The following TECRL variants were observed in gnomAD, a reference collection of about 807,000 sequenced individuals.
TECRL encodes trans-2,3-enoyl-CoA reductase like, also known as trans-2,3-enoyl-CoA reductase-like.
A neutral mutation model predicts 52.8 loss-of-function variants in TECRL; 63 were observed. That is an observed-to-expected ratio of 1.19 (90% CI 0.97 to 1.47). The LOEUF is 1.47. Among genes scored for constraint, TECRL ranks in the 40% most tolerant of loss-of-function variants. The probability of loss-of-function intolerance (pLI) is 0.00; values close to 1 mark genes in which losing one functional copy is unlikely to be tolerated. For synonymous variants in TECRL, 164 were observed against 141.9 expected, an observed-to-expected ratio of 1.16 and a Z score of -1.10; for missense variants, 482 against 429.6, an observed-to-expected ratio of 1.12 and a Z score of -1.08.
chr4:64,309,162 G>T (rs925111024), intron 6 of TECRL, among the ~76,000 whole-genome samples: 1 of 152,068 alleles, frequency 6.6e-6, no homozygotes, highest in Non-Finnish European at 1.5e-5. Context: ...TTACTGCAAT[G>T]ACAACAATAG....
rs913817827 is a variant in TECRL at position 64,343,891 on chromosome 4, C to T, written c.287-15335G>A. Among the ~76,000 whole-genome samples, 4 of 151,852 alleles carry T rather than the reference C, an allele frequency of 2.6e-5. No individual in the cohort carries two copies. In the South Asian group the frequency reaches 6.2e-4, roughly 24 times the overall value. On this transcript the variant is annotated intron_variant, in intron 2 of 11. Transcript: ENST00000381210. ...ACAAAATGTCATGGCTTGTGGAGAA[C>T]ATTTTAACCTGCTTTCATTTGTAAT...
chr4:64,345,907 CAAAAAA>C lies in TECRL; in HGVS notation c.287-17357_287-17352del, dbSNP rs777171822. Among the ~76,000 whole-genome samples, 12 of 23,348 alleles carry C rather than the reference CAAAAAA, an allele frequency of 5.1e-4. 1 individual carries two copies. Among genetic ancestry groups the C allele is most frequent in the East Asian group, 3.0e-3 (2 of 668 alleles). 15.3% of individuals were successfully genotyped at this position (23,348 alleles called of 152,430 possible). On this transcript the variant is annotated intron_variant, in intron 2 of 11. Transcript: ENST00000381210. ...CCAACACTGATGGGTGCCTCAACAG[CAAAAAA>C]AAAAAAAAAAAAAAAAAACATTTAT...
chr4:64,394,488 A>T (rs1385053403), intron 1 of TECRL, among the ~76,000 whole-genome samples: 1 of 152,198 alleles, frequency 6.6e-6, no homozygotes, highest in Non-Finnish European at 1.5e-5. Flanking sequence ...TAGTCCTAGA[A>T]TTTTATCTTT....
At position 64,278,121 on chromosome 4, in the gene TECRL, G is replaced by A. The variant is rs1178439853; in HGVS notation, c.*1951C>T. On this transcript the variant is annotated 3_prime_UTR_variant, in exon 12 of 12. Coordinates refer to ENST00000381210, the MANE Select transcript of TECRL (RefSeq NM_001010874.5). ...ACATATTTTGAAATATATTTCAGAA[G>A]ATGTATAAATATAATTTACATACAA... 6.6e-6 allele frequency: 1 copy of A among 150,652 alleles called. No individual in the cohort carries two copies. The highest frequency in any genetic ancestry group is 2.4e-5 in the African/African-American group (1 of 40,960). 9.3% of individuals were successfully genotyped at this position (150,652 alleles called of 1,614,324 possible).
rs1717998137 is a variant in TECRL, at chr4:64,322,796, A to T, written c.332-4T>A. ...TAGTCCTTCAAAAAAGGCCCGCCTA[A>T]AATAAAAATAACAAGAAAATTTTAT... On this transcript the variant is annotated splice_polypyrimidine_tract_variant and splice_region_variant and intron_variant, in intron 3 of 11. Transcript: ENST00000381210. 2 of 1,585,330 alleles carry T rather than the reference A, an allele frequency of 1.3e-6. No homozygotes were observed. Among genetic ancestry groups the T allele is most frequent in the African/African-American group, 2.7e-5 (2 of 73,580 alleles).
At chr4:64,375,102 A>G (rs1560539691) in intron 2 of TECRL, 70 bp downstream of exon 2, 6 of 759,302 alleles carry the variant, frequency 7.9e-6, no homozygotes, top group Non-Finnish European at 1.2e-5. Context: ...TATTGCACTT[A>G]TAGAAAAATT....
chr4:64,306,126 C>T (rs866149534), intron 6 of TECRL, among the ~76,000 whole-genome samples: 5 of 152,084 alleles, frequency 3.3e-5, no homozygotes, highest in South Asian at 2.1e-4. Context: ...GAGCTCTTGC[C>T]TCTCTTTATT....
chr4:64,368,705 G>C (rs954761853), intron 2 of TECRL, among the ~76,000 whole-genome samples: 2 of 151,960 alleles, frequency 1.3e-5, no homozygotes, highest in African/African-American at 4.8e-5. Context: ...TTTTTCATTG[G>C]GTGCATTTAT....
At position 64,328,436 on chromosome 4, in the gene TECRL, T is replaced by C. The variant is rs548829628; in HGVS notation, c.331+76A>G. 2.8e-5 allele frequency: 35 copies of C among 1,252,234 alleles called. No individual in the cohort carries two copies. The South Asian group carries it at 4.1e-4, about 15-fold the overall frequency. 77.6% of individuals were successfully genotyped at this position (1,252,234 alleles called of 1,614,324 possible). A position where few individuals can be genotyped will look rare whatever the true frequency, so the allele number is the denominator to read the frequency against. On this transcript the variant is annotated intron_variant, in intron 3 of 11. Coordinates refer to ENST00000381210, the MANE Select transcript of TECRL (RefSeq NM_001010874.5). ...TAATATTTGTATATTTGCAAAGTGATAAGTGAATGTCAGCTTTTGAAAATA... is the reference window on the plus strand; with the variant it reads ...TAATATTTGTATATTTGCAAAGTGACAAGTGAATGTCAGCTTTTGAAAATA...
chr4:64,351,834 C>T (rs889405130), intron 2 of TECRL, among the ~76,000 whole-genome samples: 7 of 152,114 alleles, frequency 4.6e-5, no homozygotes, highest in Admixed American at 6.5e-5. Flanking sequence ...CATTTGTGAA[C>T]TACACTTTAT....
At chr4:64,336,286 TA>T (rs567628621) in intron 2 of TECRL, among the ~76,000 whole-genome samples, 1,744 of 152,346 alleles carry the variant, frequency 0.011, 45 homozygotes, top group African/African-American at 0.04. Flanking sequence ...CTAGATTTTC[TA>T]GTTTATTTGC....
chr4:64,387,918 T>G (rs1278286083), intron 1 of TECRL, among the ~76,000 whole-genome samples: 1 of 151,858 alleles, frequency 6.6e-6, no homozygotes, highest in Non-Finnish European at 1.5e-5. Context: ...CATACATATA[T>G]GTCTTTTATC....
At chr4:64,322,846 G>A (rs1393940912) in intron 3 of TECRL, 54 bp from the exon 4 acceptor site, 13 of 1,305,380 alleles carry the variant, frequency 1.0e-5, no homozygotes, top group Non-Finnish European at 9.6e-6. Context: ...TTAGCATAAC[G>A]ATAAAGAATT....
chr4:64,323,764 T>C (rs987990721), intron 3 of TECRL, among the ~76,000 whole-genome samples: 4 of 152,070 alleles, frequency 2.6e-5, no homozygotes, highest in African/African-American at 9.7e-5. Context: ...GAAGATTCAG[T>C]GAGGTAAAGA....
chr4:64,289,582 GA>G (rs1351557214), intron 9 of TECRL, 127 bp downstream of exon 9: 28 of 719,422 alleles, frequency 3.9e-5, no homozygotes, highest in African/African-American at 1.9e-4. Context: ...ACATAAAAGG[GA>G]AAAAATGTGG....
intron 3 of TECRL, 57 bp downstream of exon 3, chr4:64,328,455 G>T: frequency 6.8e-7 from 1 of 1,462,532 alleles, no homozygotes; most frequent in Non-Finnish European, 9.5e-7. Context: ...GTCAGCTTTT[G>T]AAAATAGAAA....
intron 8 of TECRL, among the ~76,000 whole-genome samples, chr4:64,294,292 G>T: frequency 6.6e-6 from 1 of 151,900 alleles, no homozygotes; most frequent in East Asian, 1.9e-4. Flanking sequence ...CAGCCGGCAG[G>T]TGCAATATCT....
At chr4:64,304,876 T>G (rs1724235575) in intron 7 of TECRL, 1 of 206,446 alleles carries the variant, frequency 4.8e-6, no homozygotes, top group Non-Finnish European at 9.7e-6. Context: ...GATTGTATAA[T>G]TATACAATAA....
chr4:64,349,096 A>AT (rs200831203), intron 2 of TECRL, among the ~76,000 whole-genome samples: 5,411 of 148,822 alleles, frequency 0.036, 159 homozygotes, highest in African/African-American at 0.055. Context: ...ATTTTCATAA[A>AT]TTTTTTTTAA....
Sources: gnomAD v4.1 joint callset for allele counts (sites outside exome capture counted in the v4.1 genomes callset) on GRCh38, gnomAD v4.1.1 for gene constraint, MANE v1.5 for transcripts, NCBI Gene and HGNC (gene_info 2026-07-23, HGNC 2026-07-21) for gene names.